NRXN1: variants seen among roughly 807,000 people sequenced by gnomAD.
The protein encoded by NRXN1 is neurexin-1.
NRXN1 carries 39 observed loss-of-function variants against 150.9 expected under a neutral mutation model. The observed-to-expected ratio is 0.26, with a 90% CI of 0.20 to 0.34. The LOEUF is 0.34. NRXN1 is among the 10% of genes least tolerant of loss of function. The pLI is 1.00. For synonymous variants in NRXN1, 924 were observed against 757.0 expected, an observed-to-expected ratio of 1.22 and a Z score of -3.62; for missense variants, 1,815 against 1,949.9, an observed-to-expected ratio of 0.93 and a Z score of 1.30.
intron 21 of NRXN1, among the ~76,000 whole-genome samples, chr2:49,961,718 C>T (rs1044163118): frequency 1.3e-5 from 2 of 152,044 alleles, no homozygotes; most frequent in African/African-American, 4.8e-5. Flanking sequence ...GTAGAAAAGT[C>T]CAACACTCTT....
chr2:50,081,901 G>C (rs1229486971), intron 19 of NRXN1, among the ~76,000 whole-genome samples: 1 of 151,996 alleles, frequency 6.6e-6, no homozygotes, highest in Non-Finnish European at 1.5e-5. Context: ...ATTAAAGTCA[G>C]CTATTTATAA....
chr2:50,476,500 T>C (rs373266885), intron 15 of NRXN1, among the ~76,000 whole-genome samples: 48 of 152,166 alleles, frequency 3.2e-4, no homozygotes, highest in African/African-American at 1.1e-3. Flanking sequence ...TTACAAAGTA[T>C]GCACATAAAG....
chr2:50,000,389 A>G (rs17493390), intron 21 of NRXN1, among the ~76,000 whole-genome samples: 72,215 of 151,956 alleles, frequency 0.48, 17,750 homozygotes, highest in Middle Eastern at 0.62. Flanking sequence ...AAAATTGTCA[A>G]TGGAAGCAGA....
intron 5 of NRXN1, among the ~76,000 whole-genome samples, chr2:50,738,474 T>C (rs1057312214): frequency 6.6e-6 from 1 of 152,178 alleles, no homozygotes; most frequent in African/African-American, 2.4e-5. Context: ...AAAGCTCTAC[T>C]TTTGTTTTTC....
chr2:50,940,137 G>C (rs1689181415), intron 2 of NRXN1, among the ~76,000 whole-genome samples: 1 of 152,046 alleles, frequency 6.6e-6, no homozygotes, highest in African/African-American at 2.4e-5. Context: ...TTCAATCCAT[G>C]AACTTAGAGT....
At chr2:50,035,799 A>G (rs187658381) in intron 21 of NRXN1, among the ~76,000 whole-genome samples, 9 of 152,266 alleles carry the variant, frequency 5.9e-5, no homozygotes, top group African/African-American at 1.9e-4. Context: ...GAACTCCTCC[A>G]TGGTTCCAAA....
intron 5 of NRXN1, among the ~76,000 whole-genome samples, chr2:50,639,669 T>A (rs530201636): frequency 6.6e-6 from 1 of 152,296 alleles, no homozygotes; most frequent in Non-Finnish European, 1.5e-5. Flanking sequence ...CCTAGATACC[T>A]AATTTTATAA....
At chr2:50,351,985 T>G (rs1486778931) in intron 17 of NRXN1, among the ~76,000 whole-genome samples, 2 of 152,158 alleles carry the variant, frequency 1.3e-5, no homozygotes, top group Non-Finnish European at 2.9e-5. Context: ...GGTGTTGAAT[T>G]CATTATGAGC....
At chr2:50,022,276 C>T (rs1687691294) in intron 21 of NRXN1, among the ~76,000 whole-genome samples, 1 of 152,230 alleles carries the variant, frequency 6.6e-6, no homozygotes. Flanking sequence ...GCCACTGCGC[C>T]CGGCTACAGG....
chr2:50,531,827 G>T (rs1283563113), intron 10 of NRXN1, among the ~76,000 whole-genome samples: 1 of 149,630 alleles, frequency 6.7e-6, no homozygotes, highest in Non-Finnish European at 1.5e-5. Flanking sequence ...GGATTTTTTT[G>T]TTGTTGTTTT....
intron 2 of NRXN1, among the ~76,000 whole-genome samples, chr2:51,017,989 G>A (rs927999250): frequency 2.0e-5 from 3 of 152,052 alleles, no homozygotes; most frequent in East Asian, 3.9e-4. Context: ...GAAAAAACAT[G>A]AGTCTTTAAT....
chr2:50,062,432 T>C (rs1694687982), intron 19 of NRXN1, among the ~76,000 whole-genome samples: 2 of 152,136 alleles, frequency 1.3e-5, no homozygotes. Flanking sequence ...TCTTCCGAAT[T>C]GAAAGAAATA....
chr2:50,382,057 G>C (rs1350325447), intron 17 of NRXN1, among the ~76,000 whole-genome samples: 2 of 152,122 alleles, frequency 1.3e-5, no homozygotes, highest in African/African-American at 4.8e-5. Flanking sequence ...GTAGAGCAGA[G>C]AGAGTTGCTC....
At chr2:50,820,622 T>A (rs1053787891) in intron 5 of NRXN1, among the ~76,000 whole-genome samples, 2 of 152,076 alleles carry the variant, frequency 1.3e-5, no homozygotes, top group Non-Finnish European at 2.9e-5. Flanking sequence ...CTGCCTTTCA[T>A]CCTCGCTCTA....
intron 17 of NRXN1, among the ~76,000 whole-genome samples, chr2:50,267,451 G>C (rs143012652): frequency 7.4e-4 from 113 of 152,192 alleles, no homozygotes; most frequent in African/African-American, 2.5e-3. Flanking sequence ...TGCCACAATT[G>C]AAAATTGAGC....
intron 18 of NRXN1, among the ~76,000 whole-genome samples, chr2:50,151,799 T>A (rs556051609): frequency 1.3e-5 from 2 of 151,770 alleles, no homozygotes; most frequent in Non-Finnish European, 1.5e-5. Flanking sequence ...GATAACTGTA[T>A]ACTTTAAAAA....
Position 50,988,765 on chromosome 2 carries a change from T to G in NRXN1, c.772+38737A>C, listed in dbSNP as rs1460314597. On this transcript the variant is annotated intron_variant, in intron 2 of 22. Transcript: ENST00000401669. Reference sequence around the variant, plus strand: ...GCGTTAGCAGCTGCTGTACCTAAGCTTCAAATGGTTTTTCCCCAGTTTATT... The same window carrying G: ...GCGTTAGCAGCTGCTGTACCTAAGCGTCAAATGGTTTTTCCCCAGTTTATT... Among the ~76,000 whole-genome samples the G allele has an allele frequency of 3.9e-5, 6 of 151,950 alleles. No homozygotes were observed. In the East Asian group the frequency reaches 1.2e-3, roughly 29 times the overall value.
At chr2:50,550,830 G>A (rs980449998) in intron 9 of NRXN1, among the ~76,000 whole-genome samples, 3 of 151,396 alleles carry the variant, frequency 2.0e-5, no homozygotes, top group Non-Finnish European at 2.9e-5. Flanking sequence ...TACAGGCACC[G>A]CCACCACGCC....
intron 15 of NRXN1, among the ~76,000 whole-genome samples, chr2:50,483,222 A>T (rs970781415): frequency 1.3e-5 from 2 of 152,076 alleles, no homozygotes; most frequent in African/African-American, 4.8e-5. Flanking sequence ...CAACGTCAGG[A>T]TCAGAAAGTT....
Sources: gnomAD v4.1 joint callset for allele counts (sites outside exome capture counted in the v4.1 genomes callset) on GRCh38, gnomAD v4.1.1 for gene constraint, MANE v1.5 for transcripts, NCBI Gene and HGNC (gene_info 2026-07-23, HGNC 2026-07-21) for gene names.